The following BLVRB variants were observed in gnomAD, a reference collection of about 807,000 sequenced individuals.
BLVRB encodes the protein flavin reductase (NADPH).
BLVRB carries 25 observed loss-of-function variants against 21.1 expected under a neutral mutation model. The ratio of observed to expected loss-of-function variants is 1.19; its 90% CI spans 0.86 to 1.66. BLVRB has a LOEUF of 1.66. Among genes scored for constraint, BLVRB ranks in the 40% most tolerant of loss-of-function variants. The pLI, the probability that BLVRB is intolerant of heterozygous loss-of-function variation, is 0.00. For missense variants in BLVRB, 274 were observed against 282.7 expected (o/e 0.97, Z 0.22); for synonymous variants, 128 against 122.2 (o/e 1.05, Z -0.31).
chr19:40,455,021 T>G (rs2079756764), intron 3 of BLVRB, among the ~76,000 whole-genome samples: 8 of 151,756 alleles, frequency 5.3e-5, no homozygotes, highest in Admixed American at 5.3e-4. Context: ...TTTTGTATTT[T>G]TTTTTTGTAG....
rs2079772498 is a variant in BLVRB, at chr19:40,458,472, T to C, written c.153A>G (p.Val51=). 3 of 1,607,208 alleles carry C rather than the reference T, an allele frequency of 1.9e-6. No individual in the cohort carries two copies. In the East Asian group the frequency reaches 6.7e-5, roughly 36 times the overall value. The stretch of plus-strand genomic sequence containing the variant: ...CGGCTGCCTGCAGAACATCTCCCAC[T>C]ACCACGTGGGCCGGCCGGGGCCCCT... ...PSEGPRPAHV[V]VGDVLQAADV... Residue 51 remains valine (V), a synonymous_variant, in exon 2 of 5, where the codon GTA becomes GTG. Coordinates refer to ENST00000263368, the MANE Select transcript of BLVRB (RefSeq NM_000713.3).
chr19:40,459,530 C>T (rs1165434138), intron 1 of BLVRB, among the ~76,000 whole-genome samples: 2 of 151,532 alleles, frequency 1.3e-5, no homozygotes, highest in South Asian at 2.1e-4. Flanking sequence ...TCACTGCAAC[C>T]TCCGCCTCCC....
chr19:40,457,762 A>G (rs546954371), intron 3 of BLVRB: 9 of 220,468 alleles, frequency 4.1e-5, no homozygotes, highest in African/African-American at 1.4e-4. Flanking sequence ...CCTAGTGTCT[A>G]TCCACAGCTC....
rs747103556 is a variant in BLVRB, at chr19:40,447,951, G to A, written c.559C>T (p.Arg187Cys). ...TCGTACTCATCGGTGGTGAGGCAGC[G>A]CAGCATGAAATGGCCCAGGTCATGT... ...SKHDLGHFML[R>C]CLTTDEYDGH... is the part of the protein sequence containing the mutation. The change falls in exon 5 of 5, where the codon CGC becomes TGC. Residue 187 changes from arginine (R) to cysteine (C), a missense_variant. By Grantham distance (180) the Arg-to-Cys change is radical. Coordinates refer to ENST00000263368, the MANE Select transcript of BLVRB (RefSeq NM_000713.3). The A allele has an allele frequency of 7.4e-6, 12 of 1,613,982 alleles. No individual in the cohort carries two copies. Among genetic ancestry groups the A allele is most frequent in the Admixed American group, 1.7e-5 (1 of 60,000 alleles).
intron 1 of BLVRB, among the ~76,000 whole-genome samples, chr19:40,461,337 C>T (rs968108017): frequency 1.4e-4 from 22 of 152,116 alleles, no homozygotes; most frequent in African/African-American, 4.8e-4. Flanking sequence ...CAGAGTTCTC[C>T]ACAGTAATAT....
chr19:40,465,479 G>T lies in BLVRB; in HGVS notation c.79+131C>A, dbSNP rs894040145. 4 of 1,119,280 alleles carry T rather than the reference G, an allele frequency of 3.6e-6. No individual in the cohort carries two copies. In the African/African-American group the frequency reaches 4.7e-5, roughly 13 times the overall value. The allele number at this position is 1,119,280 out of a possible 1,614,324, so 69.3% of individuals were successfully genotyped here. ...TTCTGCCCCCGTGGCCACTTGCTTT[G>T]GCCCCTGAGTCCTCATACACCTGGC... On this transcript the variant is annotated intron_variant, in intron 1 of 4. Coordinates refer to ENST00000263368, the MANE Select transcript of BLVRB (RefSeq NM_000713.3).
chr19:40,453,356 G>T (rs529391030), intron 3 of BLVRB, among the ~76,000 whole-genome samples: 1 of 152,080 alleles, frequency 6.6e-6, no homozygotes, highest in South Asian at 2.1e-4. Context: ...CCTTTTCTTG[G>T]GGCCTTGTTT....
Position 40,451,395 on chromosome 19 carries a change from C to A in BLVRB, c.432G>T (p.Leu144=). ...RMHKVLRESG[L]KYVAVMPPHI... ...GTGGCGGCATCACAGCCACGTACTT[C>A]AGGCCTGATTCCCGCAGCACCTTGT... The change falls in exon 4 of 5, where the codon CTG becomes CTT. Residue 144 remains leucine, a synonymous_variant. Coordinates refer to ENST00000263368, the MANE Select transcript of BLVRB (RefSeq NM_000713.3). The A allele has an allele frequency of 6.2e-7, 1 of 1,609,734 alleles. No homozygotes were observed. Among genetic ancestry groups the A allele is most frequent in the Admixed American group, 1.7e-5 (1 of 59,222 alleles).
At chr19:40,462,627 C>A (rs558746723) in intron 1 of BLVRB, among the ~76,000 whole-genome samples, 37 of 148,522 alleles carry the variant, frequency 2.5e-4, no homozygotes, top group African/African-American at 8.8e-4. Flanking sequence ...CGTGGTGGCT[C>A]ACGCCTGTAA....
chr19:40,463,301 A>G (rs1350561254), intron 1 of BLVRB, among the ~76,000 whole-genome samples: 2 of 152,208 alleles, frequency 1.3e-5, no homozygotes, highest in Admixed American at 6.6e-5. Flanking sequence ...AGTACCTCCT[A>G]TATAAGATCT....
At chr19:40,463,876 T>C (rs2079799094) in intron 1 of BLVRB, among the ~76,000 whole-genome samples, 1 of 151,670 alleles carries the variant, frequency 6.6e-6, no homozygotes. Context: ...CAAGCTATTC[T>C]CCTGCCTCAG....
At chr19:40,458,868 T>C (rs929917557) in intron 1 of BLVRB, among the ~76,000 whole-genome samples, 1 of 151,794 alleles carries the variant, frequency 6.6e-6, no homozygotes, top group African/African-American at 2.4e-5. Context: ...AATTTTGCAA[T>C]CTTTTGTAGA....
rs57153004 is a variant in BLVRB at position 40,460,247 on chromosome 19, C to CATATATATAT, written c.80-1712_80-1703dup. On this transcript the variant is annotated intron_variant, in intron 1 of 4. Coordinates refer to ENST00000263368, the MANE Select transcript of BLVRB (RefSeq NM_000713.3). Reference sequence around the variant, plus strand: ...ACATTTGGGTATACTGTAATAGCAACATATATATATATATATATATATATA... The same window carrying CATATATATAT: ...ACATTTGGGTATACTGTAATAGCAACATATATATATATATATATATATATATATATATATA... Among the ~76,000 whole-genome samples, 42 of 121,138 alleles carry CATATATATAT rather than the reference C, an allele frequency of 3.5e-4. 2 individuals are homozygous for CATATATATAT. Among genetic ancestry groups the CATATATATAT allele is most frequent in the African/African-American group, 9.9e-4 (29 of 29,416 alleles). 79.5% of individuals were successfully genotyped at this position (121,138 alleles called of 152,430 possible).
chr19:40,465,545 T>C, intron 1 of BLVRB, 65 bp downstream of exon 1: 1 of 1,548,332 alleles, frequency 6.5e-7, no homozygotes, highest in East Asian at 2.4e-5. Flanking sequence ...CCCGACCCCA[T>C]GGTGCCCCTT....
At chr19:40,448,123 C>A in intron 4 of BLVRB, 77 bp from the exon 5 acceptor site, 1 of 1,507,244 alleles carries the variant, frequency 6.6e-7, no homozygotes, top group Non-Finnish European at 9.0e-7. Context: ...CCAGAAAGAC[C>A]TTCCCAGGGT....
In BLVRB at chr19:40,465,709, C is replaced by A; in HGVS notation, c.-21G>T. 1.2e-6 allele frequency: 2 copies of A among 1,611,488 alleles called. No individual in the cohort carries two copies. The highest frequency in any genetic ancestry group is 1.7e-6 in the Non-Finnish European group (2 of 1,179,054). On this transcript the variant is annotated 5_prime_UTR_variant, in exon 1 of 5. Coordinates refer to ENST00000263368, the MANE Select transcript of BLVRB (RefSeq NM_000713.3). ...GCCATCGTACGGGATCGTGGGGGTG[C>A]AAGGCCTCAGAGTCTCGGCACGCGC...
intron 3 of BLVRB, among the ~76,000 whole-genome samples, chr19:40,451,917 G>A (rs1373505612): frequency 2.0e-5 from 3 of 152,010 alleles, no homozygotes; most frequent in Non-Finnish European, 4.4e-5. Flanking sequence ...GGAGTCCTCT[G>A]GGGCTCCTCT....
intron 1 of BLVRB, among the ~76,000 whole-genome samples, chr19:40,459,318 ACT>A (rs1290149360): frequency 9.2e-6 from 1 of 108,290 alleles, no homozygotes; most frequent in African/African-American, 3.5e-5. Flanking sequence ...ACAAAGCGAG[ACT>A]CTATCTCAAA....
chr19:40,459,715 C>T (rs751019460), intron 1 of BLVRB, among the ~76,000 whole-genome samples: 17 of 152,120 alleles, frequency 1.1e-4, no homozygotes, highest in Non-Finnish European at 2.2e-4. Context: ...GGACTACAGG[C>T]GCATGCCACC....
Sources: gnomAD v4.1 joint callset for allele counts (sites outside exome capture counted in the v4.1 genomes callset) on GRCh38, gnomAD v4.1.1 for gene constraint, MANE v1.5 for transcripts, NCBI Gene and HGNC (gene_info 2026-07-23, HGNC 2026-07-21) for gene names.